CADM1: variants seen among roughly 807,000 people sequenced by gnomAD.
CADM1 encodes the protein TSLC-1.
In CADM1, 15 loss-of-function variants were observed where a neutral mutation model predicts 53.1. The ratio of observed to expected loss-of-function variants is 0.28; its 90% confidence interval spans 0.19 to 0.44. The LOEUF (loss-of-function observed/expected upper bound fraction) is 0.44. Among genes scored for constraint, CADM1 ranks in the 20% least tolerant of loss-of-function variants. The pLI is 1.00. For synonymous variants in CADM1, 281 were observed against 243.0 expected (o/e 1.16, Z -1.45); for missense variants, 434 against 611.3 (o/e 0.71, Z 3.06).
At chr11:115,492,538 A>G (rs1308549668) in intron 1 of CADM1, among the ~76,000 whole-genome samples, 1 of 152,152 alleles carries the variant, frequency 6.6e-6, no homozygotes, top group Non-Finnish European at 1.5e-5. Context: ...CTAATCTGTA[A>G]ATTTGTGAAC....
intron 1 of CADM1, among the ~76,000 whole-genome samples, chr11:115,341,968 C>G (rs1246444177): frequency 2.0e-5 from 3 of 152,178 alleles, no homozygotes; most frequent in African/African-American, 7.2e-5. Context: ...CAATTTACTT[C>G]TTGCTTATCA....
rs1023002297 is a variant in CADM1 at position 115,174,378 on chromosome 11, A to G, written c.*2096T>C. ...TCTCACCCTTTGATATGATTATACT[A>G]TGGTCGGAATGGGTGCTAAGGGCTC... is the stretch of plus-strand genomic sequence containing the variant. On this transcript the variant is annotated 3_prime_UTR_variant, in exon 12 of 12. Coordinates refer to ENST00000331581, the MANE Select transcript of CADM1 (RefSeq NM_001301043.2). 51 of 985,314 alleles carry G rather than the reference A, an allele frequency of 5.2e-5. No individual in the cohort carries two copies. Among genetic ancestry groups the G allele is most frequent in the Middle Eastern group, 5.2e-4 (1 of 1,936 alleles). 61.0% of individuals were successfully genotyped at this position (985,314 alleles called of 1,614,324 possible). A position where few individuals can be genotyped will look rare whatever the true frequency, so the allele number is the denominator to read the frequency against.
chr11:115,451,303 T>A (rs999949316), intron 1 of CADM1, among the ~76,000 whole-genome samples: 3 of 152,192 alleles, frequency 2.0e-5, no homozygotes, highest in African/African-American at 7.2e-5. Context: ...TGTTCCACTA[T>A]GGAAAGGGCT....
intron 1 of CADM1, among the ~76,000 whole-genome samples, chr11:115,448,738 C>A (rs1436056251): frequency 6.6e-6 from 1 of 152,064 alleles, no homozygotes; most frequent in Admixed American, 6.6e-5. Context: ...ATCACAAAGT[C>A]AACATGTATT....
intron 1 of CADM1, among the ~76,000 whole-genome samples, chr11:115,485,372 G>A (rs1949351797): frequency 6.6e-6 from 1 of 152,186 alleles, no homozygotes; most frequent in African/African-American, 2.4e-5. Context: ...CTGGGCCTTT[G>A]AATAAATGTG....
intron 1 of CADM1, among the ~76,000 whole-genome samples, chr11:115,386,571 G>T (rs1025069150): frequency 3.9e-5 from 6 of 152,168 alleles, no homozygotes; most frequent in Non-Finnish European, 7.4e-5. Flanking sequence ...GGCATCACAT[G>T]GTGAAGGGGC....
chr11:115,503,583 G>A (rs1217559130), intron 1 of CADM1, among the ~76,000 whole-genome samples: 3 of 152,076 alleles, frequency 2.0e-5, no homozygotes, highest in Non-Finnish European at 2.9e-5. Context: ...GGGCCGGGCC[G>A]GGGAACTTTC....
At chr11:115,240,912 C>T (rs925265405) in intron 1 of CADM1, 1 of 188,362 alleles carries the variant, frequency 5.3e-6, no homozygotes, top group Non-Finnish European at 1.1e-5. Context: ...GTTGACAGTC[C>T]CAATGTATAG....
intron 1 of CADM1, among the ~76,000 whole-genome samples, chr11:115,362,460 A>G (rs1946053134): frequency 6.6e-6 from 1 of 152,220 alleles, no homozygotes; most frequent in African/African-American, 2.4e-5. Flanking sequence ...GCTAAGTACA[A>G]TTTCTACAGG....
chr11:115,252,989 G>A (rs980008715), intron 1 of CADM1, among the ~76,000 whole-genome samples: 8 of 152,148 alleles, frequency 5.3e-5, no homozygotes, highest in Non-Finnish European at 1.0e-4. Flanking sequence ...TAAGCCGGGG[G>A]TGTCCAATCT....
chr11:115,233,919 G>A (rs1941918222), intron 3 of CADM1, among the ~76,000 whole-genome samples: 1 of 152,196 alleles, frequency 6.6e-6, no homozygotes, highest in South Asian at 2.1e-4. Flanking sequence ...AAATCCCTAG[G>A]GAATGGACCA....
At chr11:115,279,023 C>T (rs1241381114) in intron 1 of CADM1, among the ~76,000 whole-genome samples, 1 of 152,060 alleles carries the variant, frequency 6.6e-6, no homozygotes, top group Non-Finnish European at 1.5e-5. Context: ...CTACATTTTC[C>T]AAGTGAGCTC....
intron 1 of CADM1, among the ~76,000 whole-genome samples, chr11:115,490,571 G>T (rs546443532): frequency 6.6e-6 from 1 of 151,880 alleles, no homozygotes; most frequent in African/African-American, 2.4e-5. Flanking sequence ...GCTAATTTTT[G>T]TATTTTTCAG....
intron 3 of CADM1, among the ~76,000 whole-genome samples, chr11:115,232,527 A>G (rs536535836): frequency 3.3e-5 from 5 of 152,366 alleles, no homozygotes; most frequent in East Asian, 1.9e-4. Context: ...GTAGATTTAC[A>G]TATCAGAATT....
In CADM1 at chr11:115,434,442, G is replaced by C. The variant is rs144060765; in HGVS notation, c.124+69829C>G. On this transcript the variant is annotated intron_variant, in intron 1 of 11. Coordinates refer to ENST00000331581, the MANE Select transcript of CADM1 (RefSeq NM_001301043.2). ...ATCAGCCAACTGACTTACATTGCCC[G>C]ACGCTGACTACACACCTCACAGCGT... Among the ~76,000 whole-genome samples, 308 of 152,296 alleles carry C rather than the reference G, an allele frequency of 2.0e-3. 2 individuals carry two copies. Among genetic ancestry groups the C allele is most frequent in the Non-Finnish European group, 3.6e-3 (244 of 68,026 alleles).
intron 1 of CADM1, among the ~76,000 whole-genome samples, chr11:115,469,706 C>A (rs1948970602): frequency 1.7e-5 from 2 of 116,010 alleles, no homozygotes; most frequent in South Asian, 3.0e-4. Context: ...GAGTCTCTCT[C>A]TGTTGCCCAA....
chr11:115,322,667 T>A (rs1944854502), intron 1 of CADM1, among the ~76,000 whole-genome samples: 1 of 152,218 alleles, frequency 6.6e-6, no homozygotes, highest in Admixed American at 6.5e-5. Context: ...TCATAAAATA[T>A]GTGGCCTTTG....
chr11:115,177,362 C>T (rs80168198), intron 11 of CADM1, among the ~76,000 whole-genome samples: 2,638 of 152,264 alleles, frequency 0.017, 36 homozygotes, highest in African/African-American at 0.035. Flanking sequence ...CAAATCCCAA[C>T]AGTTTACATG....
chr11:115,407,132 A>G (rs1947336433), intron 1 of CADM1, among the ~76,000 whole-genome samples: 2 of 152,148 alleles, frequency 1.3e-5, no homozygotes, highest in Non-Finnish European at 2.9e-5. Flanking sequence ...ATGATTCACT[A>G]CCTGAAAGAT....
Sources: gnomAD v4.1 joint callset for allele counts (sites outside exome capture counted in the v4.1 genomes callset) on GRCh38, gnomAD v4.1.1 for gene constraint, MANE v1.5 for transcripts, NCBI Gene and HGNC (gene_info 2026-07-23, HGNC 2026-07-21) for gene names.